Variants in TBX3 observed in about 807,000 individuals in gnomAD.
The protein encoded by TBX3 is T-box transcription factor TBX3.
A neutral mutation model predicts 47.8 loss-of-function variants in TBX3; 11 were observed. That is an observed-to-expected ratio of 0.23 (90% CI 0.14 to 0.38). The LOEUF (loss-of-function observed/expected upper bound fraction) is 0.38, where lower values mean the gene tolerates loss of function less well. Ranked by LOEUF, TBX3 falls within the 10% of genes least tolerant of loss-of-function variation. TBX3 has a pLI of 1.00. For missense variants in TBX3, 927 were observed against 1,022.8 expected (o/e 0.91, Z 1.28); for synonymous variants, 500 against 449.3 (o/e 1.11, Z -1.43).
intron 2 of TBX3, chr12:114,680,514 G>C (rs1026621718): frequency 2.8e-6 from 1 of 352,584 alleles, no homozygotes; most frequent in African/African-American, 2.1e-5. Flanking sequence ...AATATCACTG[G>C]TTTCAAAACA....
chr12:114,674,471 C>A lies in TBX3; in HGVS notation c.1404G>T (p.Ala468=). Residue 468 remains alanine (A), a synonymous_variant, in exon 6 of 7, where the codon GCG becomes GCT. Transcript: ENST00000349155. Reference sequence around the variant, plus strand: ...GGCCCTGGGCCAGGTGCGCGGCGGCCGCGTCCGTCTGCACCGTGAGCGGCG... The same window carrying A: ...GGCCCTGGGCCAGGTGCGCGGCGGCAGCGTCCGTCTGCACCGTGAGCGGCG... The part of the protein sequence containing the change: ...AFAPLTVQTD[A]AAAHLAQGPL... 1.3e-6 allele frequency: 2 copies of A among 1,540,522 alleles called. No homozygotes were observed. Among genetic ancestry groups the A allele is most frequent in the Admixed American group, 2.0e-5 (1 of 49,996 alleles).
chr12:114,674,167 G>C lies in TBX3; in HGVS notation c.1708C>G (p.Gln570Glu). The change falls in exon 6 of 7, where the codon CAG (glutamine) becomes GAG (glutamate). Residue 570 changes from glutamine (Q) to glutamate (E), a missense_variant and splice_region_variant. This residue lies in a region of TBX3 where 623 missense variants were observed against 569.0 expected (regional missense o/e 1.09). Transcript: ENST00000349155. ...FHLQQHVLAS[Q>E]GLAMSPFGSL... is the part of the protein sequence containing the mutation. Reference sequence around the variant, plus strand: ...GAGGCAGGAAGAAGGATCCATACCTGAGAGGCCAGGACGTGCTGCTGGAGG... The same window carrying C: ...GAGGCAGGAAGAAGGATCCATACCTCAGAGGCCAGGACGTGCTGCTGGAGG... 1 of 1,582,230 alleles carries C rather than the reference G, an allele frequency of 6.3e-7. No individual in the cohort carries two copies. Among genetic ancestry groups the C allele is most frequent in the Non-Finnish European group, 8.6e-7 (1 of 1,166,104 alleles).
chr12:114,672,460 A>G (rs1868493322), intron 6 of TBX3, among the ~76,000 whole-genome samples, 158 bp from the exon 7 acceptor site: 2 of 137,804 alleles, frequency 1.5e-5, no homozygotes, highest in African/African-American at 2.7e-5. Flanking sequence ...GGGGGGAGAT[A>G]GGTGGGGGCA....
At position 114,672,210 on chromosome 12, in the gene TBX3, G is replaced by A; in HGVS notation, c.1803C>T (p.Ser601=). Residue 601 remains serine, a synonymous_variant, in exon 7 of 7, where the codon AGC becomes AGT. Transcript: ENST00000349155. ...AAAASSAAAS[S]SVHRHPFLNL... ...TGAGGAAGGGGTGGCGGTGCACCGA[G>A]CTGGAGGCTGCCGCAGAGGAGGCGG... The A allele has an allele frequency of 1.3e-6, 2 of 1,571,996 alleles. No homozygotes were observed. Among genetic ancestry groups the A allele is most frequent in the Non-Finnish European group, 1.7e-6 (2 of 1,159,422 alleles).
intron 5 of TBX3, 29 bp downstream of exon 5, chr12:114,676,284 C>A: frequency 1.9e-6 from 3 of 1,612,720 alleles, no homozygotes; most frequent in Non-Finnish European, 2.5e-6. Flanking sequence ...GGACTGGAGT[C>A]CAGTGATCAC....
chr12:114,671,719 T>C lies in TBX3; in HGVS notation c.*122A>G, dbSNP rs1592845822. ...TCTCTCGAGGGAGTCCGGGGCCCCT[T>C]CCCAGACGCAACTGCAAAAGGAAGG... On this transcript the variant is annotated 3_prime_UTR_variant, in exon 7 of 7. Transcript: ENST00000349155. 7.5e-7 allele frequency: 1 copy of C among 1,333,304 alleles called. No homozygotes were observed. Among genetic ancestry groups the C allele is most frequent in the East Asian group, 2.5e-5 (1 of 39,846 alleles). 82.6% of individuals were successfully genotyped at this position (1,333,304 alleles called of 1,614,324 possible).
chr12:114,680,165 G>A (rs1020094914), intron 2 of TBX3: 15 of 629,706 alleles, frequency 2.4e-5, no homozygotes, highest in Non-Finnish European at 3.4e-5. Context: ...CGCCATTCGC[G>A]TCTTCCTGGG....
intron 4 of TBX3, 48 bp from the exon 5 acceptor site, chr12:114,676,518 C>T: frequency 6.2e-7 from 1 of 1,612,090 alleles, no homozygotes. Context: ...CATACATTTC[C>T]CCTCTTTGTT....
chr12:114,674,496 G>T lies in TBX3; in HGVS notation c.1379C>A (p.Ala460Glu). ...ARALPGKEAFAPLTVQTDAAA... is the reference protein window; with the variant it reads ...ARALPGKEAFEPLTVQTDAAA... ...CGCGTCCGTCTGCACCGTGAGCGGC[G>T]CGAAGGCCTCCTTGCCCGGGAGCGC... Residue 460 changes from alanine to glutamate, a missense_variant, in exon 6 of 7, where the codon GCG becomes GAG. By Grantham distance (107) the Ala-to-Glu change is moderately radical. This residue lies in a region of TBX3 where 623 missense variants were observed against 569.0 expected (regional missense o/e 1.09). Coordinates refer to ENST00000349155, the MANE Select transcript of TBX3 (RefSeq NM_005996.4). 6.6e-7 allele frequency: 1 copy of T among 1,518,908 alleles called. No individual in the cohort carries two copies. The highest frequency in any genetic ancestry group is 8.8e-7 in the Non-Finnish European group (1 of 1,136,290). The allele number at this position is 1,518,908 out of a possible 1,614,324, so 94.1% of individuals were successfully genotyped here.
intron 1 of TBX3, among the ~76,000 whole-genome samples, chr12:114,682,561 C>A (rs1868981272): frequency 6.6e-6 from 1 of 151,542 alleles, no homozygotes; most frequent in Non-Finnish European, 1.5e-5. Context: ...TGTCTGTGCT[C>A]CACTGAAAAA....
rs1354181625 is a variant in TBX3 at position 114,683,543 on chromosome 12, C to G, written c.-343G>C. The G allele has an allele frequency of 6.1e-6, 2 of 329,922 alleles. No individual in the cohort carries two copies. The highest frequency in any genetic ancestry group is 1.1e-5 in the Non-Finnish European group (2 of 179,928). The allele number at this position is 329,922 out of a possible 1,614,324, so 20.4% of individuals were successfully genotyped here. ...GAGAGGAGCGAGCAGGGTCTCGACTCGCGCCCGAGCCCTGCCGCTGAGCTC... is the reference window on the plus strand; with the variant it reads ...GAGAGGAGCGAGCAGGGTCTCGACTGGCGCCCGAGCCCTGCCGCTGAGCTC... On this transcript the variant is annotated 5_prime_UTR_variant, in exon 1 of 7. Coordinates refer to ENST00000349155, the MANE Select transcript of TBX3 (RefSeq NM_005996.4). The surrounding 1 kb of genome is among the most constrained non-coding windows in gnomAD (Gnocchi z 7.7).
At position 114,672,117 on chromosome 12, in the gene TBX3, G is replaced by A. The variant is rs1868468611; in HGVS notation, c.1896C>T (p.Gly632=). Residue 632 remains glycine (G), a synonymous_variant, in exon 7 of 7, where the codon GGC becomes GGT. Transcript: ENST00000349155. Reference sequence around the variant, plus strand: ...GCAGGGCGGTGGTGAGCAGACTGCTGCCGTCCGGGACCGGCACCGGGATGG... The same window carrying A: ...GCAGGGCGGTGGTGAGCAGACTGCTACCGTCCGGGACCGGCACCGGGATGG... The part of the protein sequence containing the change: ...PYSIPVPVPD[G]SSLLTTALPS... 3 of 1,569,194 alleles carry A rather than the reference G, an allele frequency of 1.9e-6. No individual in the cohort carries two copies. Among genetic ancestry groups the A allele is most frequent in the African/African-American group, 1.4e-5 (1 of 73,998 alleles).
chr12:114,672,404 T>G, intron 6 of TBX3, 102 bp from the exon 7 acceptor site: 1 of 940,820 alleles, frequency 1.1e-6, no homozygotes, highest in Non-Finnish European at 1.5e-6. Flanking sequence ...AAGCCATGAA[T>G]CCCTGGTATG....
chr12:114,676,027 C>T (rs1868692437), intron 5 of TBX3, among the ~76,000 whole-genome samples: 1 of 152,028 alleles, frequency 6.6e-6, no homozygotes, highest in African/African-American at 2.4e-5. Context: ...AGCAAGTTTT[C>T]AAAGCTGCTT....
rs1005201024 is a variant in TBX3 at position 114,671,264 on chromosome 12, GAC to G, written c.*575_*576del. 14 of 232,770 alleles carry G rather than the reference GAC, an allele frequency of 6.0e-5. No individual in the cohort carries two copies. Among genetic ancestry groups the G allele is most frequent in the Non-Finnish European group, 9.3e-5 (11 of 117,922 alleles). The allele number at this position is 232,770 out of a possible 1,614,324, so 14.4% of individuals were successfully genotyped here. A position where few individuals can be genotyped will look rare whatever the true frequency, so the allele number is the denominator to read the frequency against. On this transcript the variant is annotated 3_prime_UTR_variant, in exon 7 of 7. Coordinates refer to ENST00000349155, the MANE Select transcript of TBX3 (RefSeq NM_005996.4). The stretch of plus-strand genomic sequence containing the variant: ...GAAAACATCACAAGAATATTAAAAA[GAC>G]ACAGATTTTCTTAATATAGACTAAA...
Position 114,672,054 on chromosome 12 carries a change from T to C in TBX3, c.1959A>G (p.Lys653=). Residue 653 remains lysine, a synonymous_variant, in exon 7 of 7, where the codon AAA becomes AAG. Transcript: ENST00000349155. The part of the protein sequence containing the change: ...MAAAAGPLDG[K]VAALAASPAS... ...CCGGGCTGGCGGCCAGGGCGGCGAC[T>C]TTGCCGTCCAGGGGCCCCGCGGCCG... is the stretch of plus-strand genomic sequence containing the variant. The C allele has an allele frequency of 1.3e-6, 2 of 1,575,910 alleles. No individual in the cohort carries two copies. The highest frequency in any genetic ancestry group is 2.3e-5 in the South Asian group (2 of 86,186).
At chr12:114,676,826 C>G (rs992453080) in intron 4 of TBX3, among the ~76,000 whole-genome samples, 6 of 152,286 alleles carry the variant, frequency 3.9e-5, no homozygotes, top group African/African-American at 1.4e-4. Flanking sequence ...GGACTGCCAG[C>G]CTTATATAGG....
chr12:114,675,100 T>C (rs1868649205), intron 5 of TBX3, among the ~76,000 whole-genome samples: 1 of 152,226 alleles, frequency 6.6e-6, no homozygotes, highest in Non-Finnish European at 1.5e-5. Flanking sequence ...AGATGGACAA[T>C]CCCCTAATCA....
Position 114,680,897 on chromosome 12 carries a change from A to T in TBX3, c.639T>A (p.Ile213=). 1 of 1,614,136 alleles carries T rather than the reference A, an allele frequency of 6.2e-7. No homozygotes were observed. Among genetic ancestry groups the T allele is most frequent in the Non-Finnish European group, 8.5e-7 (1 of 1,180,020 alleles). ...AACTTACAAATCCATGTTTGTCTGA[A>T]ATGTTGTTGGTGAGTTTCAGTTTGT... is the stretch of plus-strand genomic sequence containing the variant. ...TFHKLKLTNN[I]SDKHGFTILN... Residue 213 remains isoleucine (I), a synonymous_variant, in exon 2 of 7, where the codon ATT becomes ATA. Transcript: ENST00000349155.
Sources: gnomAD v4.1 joint callset for allele counts (sites outside exome capture counted in the v4.1 genomes callset) on GRCh38, gnomAD v4.1.1 for gene constraint, gnomAD v4.1.1 regional missense constraint, Gnocchi (gnomAD v3.1) non-coding constraint, MANE v1.5 for transcripts, NCBI Gene and HGNC (gene_info 2026-07-23, HGNC 2026-07-21) for gene names.